The following COPG2 variants were observed in gnomAD, a reference collection of about 807,000 sequenced individuals.
The protein encoded by COPG2 is coat protein complex I subunit gamma 2.
Under a neutral mutation model 46.3 loss-of-function variants are expected in COPG2, and 37 were observed. The observed-to-expected ratio is 0.80, with a 90% CI of 0.61 to 1.05. The LOEUF is 1.05. COPG2 is among the 50% of genes least tolerant of loss of function. The pLI is 0.00. For missense variants in COPG2, 427 were observed against 387.8 expected, an observed-to-expected ratio of 1.10 and a Z score of -0.85; for synonymous variants, 159 against 129.7, an observed-to-expected ratio of 1.23 and a Z score of -1.53.
intron 9 of COPG2, among the ~76,000 whole-genome samples, chr7:130,595,199 T>C (rs1485007148): frequency 6.6e-6 from 1 of 152,226 alleles, no homozygotes; most frequent in Non-Finnish European, 1.5e-5. Context: ...GAAGTACTGA[T>C]AACTTCTACA....
intron 5 of COPG2, among the ~76,000 whole-genome samples, chr7:130,632,488 C>T (rs1283026456): frequency 6.6e-6 from 1 of 152,178 alleles, no homozygotes; most frequent in African/African-American, 2.4e-5. Flanking sequence ...TTATCTTTCT[C>T]CAAATTTGTA....
chr7:130,591,726 G>T (rs1237104326), intron 9 of COPG2, among the ~76,000 whole-genome samples: 1 of 145,592 alleles, frequency 6.9e-6, no homozygotes, highest in African/African-American at 2.6e-5. Context: ...CGGGAAGGAG[G>T]TGGGGGGGTC....
chr7:130,639,341 T>C (rs1795416259), intron 5 of COPG2, among the ~76,000 whole-genome samples: 1 of 152,254 alleles, frequency 6.6e-6, no homozygotes, highest in African/African-American at 2.4e-5. Flanking sequence ...AGTACATGGT[T>C]GCAGTAGCTG....
intron 9 of COPG2, among the ~76,000 whole-genome samples, chr7:130,595,552 TATAAA>T (rs1417999667): frequency 6.6e-6 from 1 of 152,158 alleles, no homozygotes; most frequent in South Asian, 2.1e-4. Flanking sequence ...ATCAAGGAAA[TATAAA>T]ATAGAATTTA....
chr7:130,629,848 G>A (rs190647273), intron 5 of COPG2, among the ~76,000 whole-genome samples: 14 of 151,670 alleles, frequency 9.2e-5, no homozygotes, highest in East Asian at 1.9e-4. Flanking sequence ...TTAAGTCTAC[G>A]AATGAATCTG....
At chr7:130,645,472 C>T (rs573767574) in intron 5 of COPG2, 94 of 322,852 alleles carry the variant, frequency 2.9e-4, no homozygotes, top group African/African-American at 1.6e-3. Context: ...ACCACTGCCT[C>T]GAGACTGCCA....
chr7:130,585,154 A>G (rs1475885649), intron 9 of COPG2, among the ~76,000 whole-genome samples: 1 of 152,066 alleles, frequency 6.6e-6, no homozygotes, highest in African/African-American at 2.4e-5. Context: ...GAACCCAGAA[A>G]TATACCCAAA....
intron 23 of COPG2, 48 bp downstream of exon 23, chr7:130,507,226 T>G (rs1554440276): frequency 1.3e-6 from 1 of 779,434 alleles, no homozygotes; most frequent in East Asian, 2.4e-5. Flanking sequence ...TATCCTATTA[T>G]TAAGCTTTGC....
chr7:130,542,357 C>T (rs953625168), intron 20 of COPG2, among the ~76,000 whole-genome samples: 6 of 151,518 alleles, frequency 4.0e-5, no homozygotes, highest in African/African-American at 7.3e-5. Flanking sequence ...AAGGGCATGG[C>T]GAGACGATGG....
intron 20 of COPG2, among the ~76,000 whole-genome samples, chr7:130,530,333 C>T (rs1369656842): frequency 2.6e-5 from 4 of 151,664 alleles, no homozygotes; most frequent in Non-Finnish European, 5.9e-5. Flanking sequence ...AAGGAAGTGG[C>T]GGGACTGGCT....
At position 130,507,344 on chromosome 7, in the gene COPG2, C is replaced by T; in HGVS notation, c.2415G>A (p.Leu805=). Residue 805 remains leucine, a synonymous_variant, in exon 23 of 24, where the codon CTG becomes CTA. Coordinates refer to ENST00000425248, the MANE Select transcript of COPG2 (RefSeq NM_012133.6). ...CGGACCTCTCACATGGCTGCATGCCCAGAAATGTGATGATATTGTTGACAG... is the reference window on the plus strand; with the variant it reads ...CGGACCTCTCACATGGCTGCATGCCTAGAAATGTGATGATATTGTTGACAG... ...EEAVNNIITF[L]GMQPCERSDK... 1.3e-6 allele frequency: 1 copy of T among 780,606 alleles called. No individual in the cohort carries two copies. The highest frequency in any genetic ancestry group is 2.4e-6 in the Non-Finnish European group (1 of 417,842). The allele number at this position is 780,606 out of a possible 1,614,324, so 48.4% of individuals were successfully genotyped here. A position where few individuals can be genotyped will look rare whatever the true frequency, so the allele number is the denominator to read the frequency against.
intron 5 of COPG2, among the ~76,000 whole-genome samples, chr7:130,631,601 C>A (rs1795232912): frequency 6.6e-6 from 1 of 152,104 alleles, no homozygotes; most frequent in Non-Finnish European, 1.5e-5. Flanking sequence ...AAATCTTTAA[C>A]CTATTAGATT....
At chr7:130,571,963 A>AC (rs1554445614) in intron 9 of COPG2, among the ~76,000 whole-genome samples, 1 of 152,138 alleles carries the variant, frequency 6.6e-6, no homozygotes, top group African/African-American at 2.4e-5. Flanking sequence ...GCAGTTGGAG[A>AC]CCATTATTCT....
At chr7:130,660,531 A>AT (rs1554460585) in intron 4 of COPG2, among the ~76,000 whole-genome samples, 2 of 152,120 alleles carry the variant, frequency 1.3e-5, no homozygotes. Context: ...CCTTTATACT[A>AT]TGTCACCTGC....
rs902161367 is a variant in COPG2, at chr7:130,541,074, A to T, written c.2149+6600T>A. Among the ~76,000 whole-genome samples, 9 of 152,282 alleles carry T rather than the reference A, an allele frequency of 5.9e-5. No homozygotes were observed. The South Asian group carries it at 1.9e-3, about 32-fold the overall frequency. On this transcript the variant is annotated intron_variant, in intron 20 of 23. Transcript: ENST00000425248. Reference sequence around the variant, plus strand: ...GGCAGACACGTGGAGTGTGAGGGGAAGACGCACGTGCAGTGGGGCTGATGG... The same window carrying T: ...GGCAGACACGTGGAGTGTGAGGGGATGACGCACGTGCAGTGGGGCTGATGG...
intron 6 of COPG2, among the ~76,000 whole-genome samples, chr7:130,614,552 C>T (rs1294788746): frequency 6.6e-6 from 1 of 152,188 alleles, no homozygotes; most frequent in Non-Finnish European, 1.5e-5. Context: ...GACAGCCTAA[C>T]ATACTACATG....
At chr7:130,600,186 C>T (rs975531119) in intron 9 of COPG2, among the ~76,000 whole-genome samples, 5 of 152,130 alleles carry the variant, frequency 3.3e-5, no homozygotes, top group Non-Finnish European at 5.9e-5. Flanking sequence ...TAATATTAAG[C>T]ATATACAAGT....
chr7:130,512,345 T>C lies in COPG2; in HGVS notation c.2150-3686A>G, dbSNP rs534180268. ...AAAACAAAAAACAACAAAAAAGCTATAGATGGCAACTTTAGAAATATTAGG... is the reference window on the plus strand; with the variant it reads ...AAAACAAAAAACAACAAAAAAGCTACAGATGGCAACTTTAGAAATATTAGG... On this transcript the variant is annotated intron_variant, in intron 20 of 23. Transcript: ENST00000425248. 3.4e-4 allele frequency among the ~76,000 whole-genome samples: 52 copies of C among 151,556 alleles called. No homozygotes were observed. In the South Asian group the frequency reaches 9.8e-3, roughly 29 times the overall value.
chr7:130,631,913 T>A (rs782393316), intron 5 of COPG2, among the ~76,000 whole-genome samples: 3 of 152,228 alleles, frequency 2.0e-5, no homozygotes, highest in Non-Finnish European at 4.4e-5. Context: ...TTAATGTGAC[T>A]CTGTCAGAGA....
Sources: gnomAD v4.1 joint callset for allele counts (sites outside exome capture counted in the v4.1 genomes callset) on GRCh38, gnomAD v4.1.1 for gene constraint, MANE v1.5 for transcripts, NCBI Gene and HGNC (gene_info 2026-07-23, HGNC 2026-07-21) for gene names.